The following THADA variants were observed in gnomAD, a reference collection of about 807,000 sequenced individuals.
THADA encodes THADA armadillo repeat containing, also known as tRNA (32-2'-O)-methyltransferase regulator THADA.
THADA carries 213 observed loss-of-function variants against 219.8 expected under a neutral mutation model. That is an observed-to-expected ratio of 0.97 (90% CI 0.87 to 1.09). THADA has a LOEUF of 1.09. THADA is among the 50% of genes least tolerant of loss of function. The pLI is 0.00. For synonymous variants in THADA, 1,018 were observed against 828.9 expected (o/e 1.23, Z -3.92); for missense variants, 2,956 against 2,311.3 (o/e 1.28, Z -5.72).
At chr2:43,381,740 A>G (rs1672056538) in intron 29 of THADA, among the ~76,000 whole-genome samples, 1 of 152,034 alleles carries the variant, frequency 6.6e-6, no homozygotes, top group African/African-American at 2.4e-5. Context: ...CACCACGCCC[A>G]GCTAATTTTT....
intron 26 of THADA, among the ~76,000 whole-genome samples, chr2:43,431,970 C>A (rs1423303908): frequency 4.9e-5 from 6 of 121,968 alleles, no homozygotes; most frequent in African/African-American, 2.3e-4. Flanking sequence ...CATTCTCCTG[C>A]CTCAGCCTCC....
At position 43,344,159 on chromosome 2, in the gene THADA, T is replaced by A; in HGVS notation, c.4306A>T (p.Thr1436Ser). The stretch of plus-strand genomic sequence containing the variant: ...CAGAGTTTGGCTTTGGTACAAACAG[T>A]GATGTCAGTCAGCTCGTGCTGGAAG... ...SDFQHELTDITVCTKAKLWLA... is the reference protein window; with the variant it reads ...SDFQHELTDISVCTKAKLWLA... The change falls in exon 30 of 38, where the codon ACT (threonine) becomes TCT (serine). Residue 1436 changes from threonine (T) to serine (S), a missense_variant. By Grantham distance (58) the Thr-to-Ser change is moderately conservative. Coordinates refer to ENST00000405975, the MANE Select transcript of THADA (RefSeq NM_022065.5). 1.2e-6 allele frequency: 2 copies of A among 1,612,198 alleles called. No homozygotes were observed. The highest frequency in any genetic ancestry group is 2.2e-5 in the South Asian group (2 of 90,314).
chr2:43,432,949 TGAG>T (rs1304795670), intron 26 of THADA, among the ~76,000 whole-genome samples: 5 of 152,202 alleles, frequency 3.3e-5, no homozygotes, highest in African/African-American at 9.7e-5. Context: ...TGTCTTTTGA[TGAG>T]GAGAATTTTA....
chr2:43,351,950 T>A (rs999481782), intron 29 of THADA, among the ~76,000 whole-genome samples: 8 of 152,206 alleles, frequency 5.3e-5, no homozygotes, highest in African/African-American at 1.7e-4. Flanking sequence ...AGGGCAAGGT[T>A]TGGACAGTGG....
At chr2:43,541,737 T>A (rs1474799916) in intron 20 of THADA, among the ~76,000 whole-genome samples, 3 of 152,160 alleles carry the variant, frequency 2.0e-5, no homozygotes, top group Admixed American at 6.5e-5. Context: ...AAAGCAATTC[T>A]CTCGCTTGGG....
At chr2:43,319,243 AC>A (rs2104458567) in intron 31 of THADA, among the ~76,000 whole-genome samples, 1 of 152,316 alleles carries the variant, frequency 6.6e-6, no homozygotes, top group South Asian at 2.1e-4. Flanking sequence ...AGCCACGGTG[AC>A]CAGTAATTTA....
intron 26 of THADA, among the ~76,000 whole-genome samples, chr2:43,442,272 C>A (rs1680934710): frequency 1.3e-5 from 2 of 152,044 alleles, no homozygotes; most frequent in South Asian, 2.1e-4. Flanking sequence ...CCTGTCTCTA[C>A]TAAAAATATA....
intron 26 of THADA, among the ~76,000 whole-genome samples, chr2:43,437,709 G>C (rs1405837152): frequency 1.3e-5 from 2 of 152,138 alleles, no homozygotes; most frequent in African/African-American, 4.8e-5. Context: ...ACTGCCTTTT[G>C]TTCTGGACTT....
intron 4 of THADA, among the ~76,000 whole-genome samples, chr2:43,589,507 T>C (rs963058841): frequency 3.3e-5 from 5 of 152,232 alleles, no homozygotes; most frequent in Non-Finnish European, 7.3e-5. Context: ...GCTTAGCAGA[T>C]GACAAGGTTC....
At chr2:43,319,675 T>G (rs1678469655) in intron 31 of THADA, among the ~76,000 whole-genome samples, 1 of 152,174 alleles carries the variant, frequency 6.6e-6, no homozygotes, top group Non-Finnish European at 1.5e-5. Context: ...CTGCTTGCAC[T>G]CAGAATCTGA....
chr2:43,507,920 A>C (rs895183568), intron 23 of THADA, among the ~76,000 whole-genome samples: 4 of 152,196 alleles, frequency 2.6e-5, no homozygotes, highest in Admixed American at 2.0e-4. Flanking sequence ...TATAATACTA[A>C]GTGAAATCAA....
At chr2:43,298,944 T>C (rs1675923909) in intron 31 of THADA, among the ~76,000 whole-genome samples, 1 of 152,182 alleles carries the variant, frequency 6.6e-6, no homozygotes, top group Non-Finnish European at 1.5e-5. Context: ...TCTGAAAATC[T>C]GAAATCCAAA....
intron 31 of THADA, among the ~76,000 whole-genome samples, chr2:43,300,823 G>A (rs6753197): frequency 6.6e-6 from 1 of 152,012 alleles, no homozygotes; most frequent in Non-Finnish European, 1.5e-5. Flanking sequence ...GCAGCAACTC[G>A]GACTCAAGGA....
intron 15 of THADA, chr2:43,563,758 G>A (rs773911961): frequency 2.0e-5 from 3 of 152,080 alleles, no homozygotes; most frequent in Non-Finnish European, 4.4e-5. Context: ...GAAACCATTT[G>A]ACTAATCTCA....
At position 43,401,403 on chromosome 2, in the gene THADA, C is replaced by T. The variant is rs1341465844; in HGVS notation, c.4059-3264G>A. 3.3e-5 allele frequency among the ~76,000 whole-genome samples: 5 copies of T among 152,092 alleles called. No homozygotes were observed. In the East Asian group the frequency reaches 5.8e-4, roughly 18 times the overall value. ...ACGCCATTCTCCTGCCTCAGCCTCCCGAGTAGCTGGGATTACAGGCGCCTG... is the reference window on the plus strand; with the variant it reads ...ACGCCATTCTCCTGCCTCAGCCTCCTGAGTAGCTGGGATTACAGGCGCCTG... On this transcript the variant is annotated intron_variant, in intron 28 of 37. Transcript: ENST00000405975.
At chr2:43,455,931 C>G (rs953846129) in intron 26 of THADA, among the ~76,000 whole-genome samples, 5 of 152,152 alleles carry the variant, frequency 3.3e-5, no homozygotes, top group Admixed American at 1.3e-4. Flanking sequence ...TGTGGTAGCT[C>G]TTTTTGACTT....
chr2:43,340,747 T>C (rs893632962), intron 30 of THADA, among the ~76,000 whole-genome samples: 1 of 152,226 alleles, frequency 6.6e-6, no homozygotes, highest in South Asian at 2.1e-4. Flanking sequence ...TAAAAAAGCC[T>C]CTTCAGTAGT....
intron 36 of THADA, among the ~76,000 whole-genome samples, chr2:43,236,364 C>G (rs956071542): frequency 2.0e-5 from 3 of 152,188 alleles, no homozygotes; most frequent in African/African-American, 7.2e-5. Flanking sequence ...CAAATTCGGT[C>G]TCTTACTACC....
At chr2:43,275,018 G>T (rs1414894423) in intron 36 of THADA, among the ~76,000 whole-genome samples, 2 of 133,474 alleles carry the variant, frequency 1.5e-5, no homozygotes, top group African/African-American at 2.9e-5. Flanking sequence ...TTTTTTTGAG[G>T]GAGTCTCACT....
Sources: allele counts gnomAD v4.1 joint callset (sites outside exome capture counted in the v4.1 genomes callset), GRCh38; gene constraint gnomAD v4.1.1; transcripts MANE v1.5; gene names NCBI Gene and HGNC (gene_info 2026-07-23, HGNC 2026-07-21).